The following NEK6 variants were observed in gnomAD, a reference collection of about 807,000 sequenced individuals.
The protein encoded by NEK6 is NIMA related kinase 6.
In NEK6, 27 loss-of-function variants were observed where a neutral mutation model predicts 43.5. The ratio of observed to expected loss-of-function variants is 0.62; its 90% CI spans 0.46 to 0.86. The LOEUF is 0.86. Ranked by LOEUF, NEK6 falls within the 40% of genes least tolerant of loss-of-function variation. The pLI is 0.00. For synonymous variants in NEK6, 167 were observed against 164.1 expected (o/e 1.02, Z -0.14); for missense variants, 318 against 414.4 (o/e 0.77, Z 2.02).
In NEK6 at chr9:124,351,941, T is replaced by C. The variant is rs553939993; in HGVS notation, c.*994T>C. ...ATCCAAAAATGGTAGCCACTCACCCTTCACAAACTGAAGTCCATGGACCAC... is the reference window on the plus strand; with the variant it reads ...ATCCAAAAATGGTAGCCACTCACCCCTCACAAACTGAAGTCCATGGACCAC... On this transcript the variant is annotated 3_prime_UTR_variant, in exon 10 of 10. Coordinates refer to ENST00000320246, the MANE Select transcript of NEK6 (RefSeq NM_014397.6). The C allele has an allele frequency of 6.5e-6, 1 of 152,782 alleles. No individual in the cohort carries two copies. The highest frequency in any genetic ancestry group is 6.5e-5 in the Admixed American group (1 of 15,304). 9.5% of individuals were successfully genotyped at this position (152,782 alleles called of 1,614,324 possible).
chr9:124,317,321 C>T (rs903232940), intron 4 of NEK6, among the ~76,000 whole-genome samples: 1 of 152,082 alleles, frequency 6.6e-6, no homozygotes, highest in Non-Finnish European at 1.5e-5. Context: ...GGTGCGATCT[C>T]GGCTCACTAC....
intron 1 of NEK6, chr9:124,262,776 T>C (rs764824962): frequency 6.6e-5 from 10 of 152,198 alleles, no homozygotes; most frequent in Non-Finnish European, 1.2e-4. Flanking sequence ...GGTGACCTCA[T>C]AGAATTCTAA....
intron 1 of NEK6, among the ~76,000 whole-genome samples, chr9:124,276,071 G>A (rs748908161): frequency 3.9e-5 from 6 of 152,086 alleles, no homozygotes; most frequent in Middle Eastern, 3.2e-3. Context: ...GCTGGGAGGC[G>A]GCTGTGAACT....
chr9:124,312,115 C>G (rs1833557753), intron 2 of NEK6, among the ~76,000 whole-genome samples: 1 of 152,230 alleles, frequency 6.6e-6, no homozygotes, highest in South Asian at 2.1e-4. Flanking sequence ...GATACATGAG[C>G]TGCACCCGGC....
intron 1 of NEK6, among the ~76,000 whole-genome samples, chr9:124,270,237 C>T (rs559069228): frequency 6.6e-6 from 1 of 152,272 alleles, no homozygotes; most frequent in African/African-American, 2.4e-5. Context: ...ATCCTCAGCA[C>T]CTGGAGCGGG....
intron 1 of NEK6, among the ~76,000 whole-genome samples, chr9:124,283,065 G>A (rs768044560): frequency 7.9e-5 from 12 of 152,220 alleles, no homozygotes; most frequent in Non-Finnish European, 1.5e-4. Flanking sequence ...GTGATCAGAC[G>A]TTTCCGCCCT....
At chr9:124,290,440 GGT>G (rs1211867535) in intron 1 of NEK6, among the ~76,000 whole-genome samples, 1 of 152,258 alleles carries the variant, frequency 6.6e-6, no homozygotes, top group Non-Finnish European at 1.5e-5. Flanking sequence ...CTGGTGGGAA[GGT>G]GTGTGTCAGG....
intron 1 of NEK6, among the ~76,000 whole-genome samples, chr9:124,283,733 G>C (rs1446784352): frequency 1.3e-5 from 2 of 152,194 alleles, no homozygotes. Context: ...TTAGGCCTTT[G>C]CACGTGCCAT....
At chr9:124,281,606 T>C (rs139192496) in intron 1 of NEK6, among the ~76,000 whole-genome samples, 3,169 of 149,940 alleles carry the variant, frequency 0.021, 48 homozygotes, top group Admixed American at 0.039. Flanking sequence ...GTTGAAGTGA[T>C]TCTCCTGCTT....
At chr9:124,258,943 T>C (rs911614594) in intron 1 of NEK6, among the ~76,000 whole-genome samples, 2 of 152,214 alleles carry the variant, frequency 1.3e-5, no homozygotes, top group African/African-American at 4.8e-5. Flanking sequence ...TTTGTTCTTG[T>C]CTCTCTCCAG....
intron 9 of NEK6, among the ~76,000 whole-genome samples, chr9:124,350,365 G>A (rs908938521): frequency 2.7e-5 from 4 of 146,394 alleles, no homozygotes; most frequent in African/African-American, 7.4e-5. Flanking sequence ...TAAAAGCTCC[G>A]TCTTTCATGA....
At chr9:124,272,630 T>C (rs1217449699) in intron 1 of NEK6, among the ~76,000 whole-genome samples, 3 of 152,216 alleles carry the variant, frequency 2.0e-5, no homozygotes, top group Admixed American at 2.0e-4. Context: ...GTTTTTCCAG[T>C]TGCAATGTGG....
intron 1 of NEK6, among the ~76,000 whole-genome samples, chr9:124,283,669 C>T (rs1302776483): frequency 6.6e-6 from 1 of 152,190 alleles, no homozygotes; most frequent in Non-Finnish European, 1.5e-5. Flanking sequence ...GGCTTGATGC[C>T]ACTGCTGTCA....
At chr9:124,292,214 G>A (rs1465710666) in intron 1 of NEK6, 1 of 1,255,616 alleles carries the variant, frequency 8.0e-7, no homozygotes, top group Non-Finnish European at 1.0e-6. Flanking sequence ...TGACCTGGCT[G>A]CACCTCTGCC....
Position 124,352,293 on chromosome 9 carries a change from G to A in NEK6, c.*1346G>A, listed in dbSNP as rs1344412681. 2.0e-5 allele frequency: 3 copies of A among 152,194 alleles called. No homozygotes were observed. Among genetic ancestry groups the A allele is most frequent in the African/African-American group, 4.8e-5 (2 of 41,440 alleles). The allele number at this position is 152,194 out of a possible 1,614,324, so 9.4% of individuals were successfully genotyped here. A position where few individuals can be genotyped will look rare whatever the true frequency, so the allele number is the denominator to read the frequency against. On this transcript the variant is annotated 3_prime_UTR_variant, in exon 10 of 10. Coordinates refer to ENST00000320246, the MANE Select transcript of NEK6 (RefSeq NM_014397.6). Reference sequence around the variant, plus strand: ...CTGGAGGAAACACCCAGGGCCGGGCGGCTGCTGTTTCCACACGTGGACTCG... The same window carrying A: ...CTGGAGGAAACACCCAGGGCCGGGCAGCTGCTGTTTCCACACGTGGACTCG...
rs563548678 is a variant in NEK6 at position 124,331,865 on chromosome 9, C to T, written c.622+4420C>T. Among the ~76,000 whole-genome samples, 9 of 152,360 alleles carry T rather than the reference C, an allele frequency of 5.9e-5. No individual in the cohort carries two copies. The South Asian group carries it at 1.4e-3, about 25-fold the overall frequency. ...GATGCATCCCAGGCCGCCTCCTGCC[C>T]CAGCCCCACCCTGCGTCCCATCCCA... is the stretch of plus-strand genomic sequence containing the variant. On this transcript the variant is annotated intron_variant, in intron 7 of 9. Coordinates refer to ENST00000320246, the MANE Select transcript of NEK6 (RefSeq NM_014397.6).
intron 8 of NEK6, among the ~76,000 whole-genome samples, chr9:124,340,576 A>C (rs1419098471): frequency 2.6e-5 from 4 of 151,978 alleles, no homozygotes; most frequent in East Asian, 1.9e-4. Context: ...GGCTCTGGAA[A>C]CCCCCCCAGG....
intron 1 of NEK6, among the ~76,000 whole-genome samples, chr9:124,279,799 T>A (rs1357525311): frequency 1.3e-5 from 2 of 152,226 alleles, no homozygotes; most frequent in African/African-American, 4.8e-5. Flanking sequence ...TCAAGGCACG[T>A]ATCGCTGTCT....
intron 2 of NEK6, among the ~76,000 whole-genome samples, chr9:124,311,522 G>C (rs1473580444): frequency 6.6e-6 from 1 of 152,164 alleles, no homozygotes; most frequent in African/African-American, 2.4e-5. Flanking sequence ...AGGTGTCCTG[G>C]GGTCCTCCTG....
Sources: gnomAD v4.1 joint callset for allele counts (sites outside exome capture counted in the v4.1 genomes callset) on GRCh38, gnomAD v4.1.1 for gene constraint, MANE v1.5 for transcripts, NCBI Gene and HGNC (gene_info 2026-07-23, HGNC 2026-07-21) for gene names.